Variants in NAV3 observed in about 807,000 individuals in gnomAD.
NAV3 encodes the protein pore membrane and/or filament interacting like protein 1.
A neutral mutation model predicts 244.7 loss-of-function variants in NAV3; 87 were observed. The ratio of observed to expected loss-of-function variants is 0.36; its 90% CI spans 0.30 to 0.42. The LOEUF is 0.42. NAV3 is among the 20% of genes least tolerant of loss of function. The pLI is 1.00. For synonymous variants in NAV3, 1,126 were observed against 1,042.2 expected (o/e 1.08, Z -1.55); for missense variants, 2,663 against 2,893.3 (o/e 0.92, Z 1.83).
At chr12:77,691,331 ATGTG>A (rs371335111) in intron 2 of NAV3, among the ~76,000 whole-genome samples, 1,754 of 65,658 alleles carry the variant, frequency 0.027, 142 homozygotes, top group Middle Eastern at 0.1. Context: ...GTATTTGTGT[ATGTG>A]TGTATATATA....
chr12:77,675,758 TC>T (rs1277384411), intron 2 of NAV3, among the ~76,000 whole-genome samples: 1 of 152,138 alleles, frequency 6.6e-6, no homozygotes, highest in African/African-American at 2.4e-5. Context: ...GGGTGAGTGT[TC>T]TGGGAAGGTT....
intron 9 of NAV3, among the ~76,000 whole-genome samples, chr12:78,041,482 T>C (rs1383342692): frequency 6.6e-6 from 1 of 152,212 alleles, no homozygotes; most frequent in Non-Finnish European, 1.5e-5. Flanking sequence ...GTAAAGACAG[T>C]GTAAATTTGT....
At chr12:77,773,468 T>C (rs1870199988) in intron 2 of NAV3, among the ~76,000 whole-genome samples, 1 of 152,180 alleles carries the variant, frequency 6.6e-6, no homozygotes. Flanking sequence ...ACTTACTAAA[T>C]GGTAGGAACA....
chr12:77,741,316 A>G (rs1448278914), intron 2 of NAV3, among the ~76,000 whole-genome samples: 1 of 152,064 alleles, frequency 6.6e-6, no homozygotes, highest in East Asian at 1.9e-4. Flanking sequence ...TTTATCCACT[A>G]CATGTTATTA....
At chr12:77,949,811 C>A (rs1890706080) in intron 3 of NAV3, among the ~76,000 whole-genome samples, 1 of 152,042 alleles carries the variant, frequency 6.6e-6, no homozygotes, top group Non-Finnish European at 1.5e-5. Flanking sequence ...AGAAGTTTTA[C>A]TGCCCTACAC....
intron 8 of NAV3, chr12:78,010,882 A>G (rs1268212503): frequency 1.3e-5 from 2 of 152,082 alleles, no homozygotes; most frequent in Non-Finnish European, 2.9e-5. Flanking sequence ...AATGCTTCAT[A>G]GTACTCTTTG....
At chr12:78,047,175 G>C (rs750603097) in intron 9 of NAV3, among the ~76,000 whole-genome samples, 21 of 151,974 alleles carry the variant, frequency 1.4e-4, no homozygotes, top group Non-Finnish European at 2.8e-4. Context: ...TGAAATTCTG[G>C]GTTGAAAATC....
rs572348310 is a variant in NAV3, at chr12:78,077,425, A to G, written c.2636+18310A>G. Among the ~76,000 whole-genome samples, 11 of 152,362 alleles carry G rather than the reference A, an allele frequency of 7.2e-5. No homozygotes were observed. In the East Asian group the frequency reaches 2.1e-3, roughly 29 times the overall value. On this transcript the variant is annotated intron_variant, in intron 12 of 39. Transcript: ENST00000397909. ...ATCTGTTTACACAATGAGAGAAAAC[A>G]AATTGTCCCCAATTTTTCTAACTAT... is the stretch of plus-strand genomic sequence containing the variant.
intron 31 of NAV3, among the ~76,000 whole-genome samples, chr12:78,186,132 C>A (rs1195225987): frequency 6.6e-6 from 1 of 151,768 alleles, no homozygotes. Flanking sequence ...TTCTACTGAA[C>A]TTGGTAGGAC....
chr12:77,881,667 C>T (rs1017794445), intron 1 of NAV3, among the ~76,000 whole-genome samples: 6 of 151,930 alleles, frequency 3.9e-5, no homozygotes, highest in Admixed American at 2.0e-4. Context: ...AGATTTTCTA[C>T]CTAGAAAACC....
In NAV3 at chr12:78,006,929, A is replaced by C. The variant is rs777079303; in HGVS notation, c.1391A>C (p.Gln464Pro). The C allele has an allele frequency of 1.2e-6, 2 of 1,613,764 alleles. No individual in the cohort carries two copies. Among genetic ancestry groups the C allele is most frequent in the Non-Finnish European group, 1.7e-6 (2 of 1,179,968 alleles). Residue 464 changes from glutamine (Q) to proline (P), a missense_variant, in exon 8 of 40, where the codon CAG becomes CCG. By Grantham distance (76) the Gln-to-Pro change is moderately conservative (BLOSUM62 -1). Around this residue, in one of 6 missense-constraint regions of NAV3, gnomAD observed 1,521 missense variants for 1,497.0 expected, o/e 1.02. Coordinates refer to ENST00000397909, the MANE Select transcript of NAV3 (RefSeq NM_001024383.2). ...CTCAGCAATAAAAAGTCTTTGCTAC[A>C]GCCAAAGGAAAAAGAAGAAAAGAAC... ...KNLSNKKSLL[Q>P]PKEKEEKNRD...
At chr12:78,029,638 C>T (rs1417853986) in intron 9 of NAV3, among the ~76,000 whole-genome samples, 2 of 152,088 alleles carry the variant, frequency 1.3e-5, no homozygotes, top group Non-Finnish European at 1.5e-5. Context: ...AAAAAAAATA[C>T]AGTGTACAGT....
At chr12:77,792,331 G>T (rs1871216159) in intron 2 of NAV3, among the ~76,000 whole-genome samples, 1 of 152,148 alleles carries the variant, frequency 6.6e-6, no homozygotes, top group South Asian at 2.1e-4. Context: ...TCAGGTTGGT[G>T]GAGAATTAAT....
chr12:78,148,693 C>A (rs1336171377), intron 21 of NAV3, 149 bp from the exon 22 acceptor site: 2 of 620,844 alleles, frequency 3.2e-6, no homozygotes. Context: ...ACTGTGGAGT[C>A]AGTGTTCATA....
intron 24 of NAV3, among the ~76,000 whole-genome samples, chr12:78,169,504 T>C (rs2139566539): frequency 1.3e-5 from 2 of 151,838 alleles, no homozygotes; most frequent in Middle Eastern, 3.4e-3. Flanking sequence ...CGTGTCATTT[T>C]TTTCCTTTAC....
chr12:77,774,520 G>A (rs1159555401), intron 2 of NAV3, among the ~76,000 whole-genome samples: 2 of 152,124 alleles, frequency 1.3e-5, no homozygotes, highest in Admixed American at 1.3e-4. Context: ...CCTTGAAAGA[G>A]AGGCAGGGTA....
chr12:77,981,947 C>T (rs1476286965), intron 5 of NAV3, among the ~76,000 whole-genome samples: 1 of 151,902 alleles, frequency 6.6e-6, no homozygotes, highest in African/African-American at 2.4e-5. Context: ...TATGTGACTC[C>T]AAGACTGAGG....
chr12:77,978,664 G>A (rs912011383), intron 5 of NAV3, among the ~76,000 whole-genome samples: 1 of 151,466 alleles, frequency 6.6e-6, no homozygotes, highest in African/African-American at 2.4e-5. Flanking sequence ...AATTTTTTGA[G>A]GTTAGTCTTT....
intron 2 of NAV3, among the ~76,000 whole-genome samples, chr12:77,798,548 A>G (rs970229926): frequency 9.6e-5 from 3 of 31,184 alleles, no homozygotes; most frequent in African/African-American, 1.9e-4. Context: ...CACATGAGGA[A>G]AGAGAATAAT....
Sources: gnomAD v4.1 joint callset for allele counts (sites outside exome capture counted in the v4.1 genomes callset) on GRCh38, gnomAD v4.1.1 for gene constraint, gnomAD v4.1.1 regional missense constraint, MANE v1.5 for transcripts, NCBI Gene and HGNC (gene_info 2026-07-23, HGNC 2026-07-21) for gene names.